Variants in MYO7B observed in about 807,000 individuals in gnomAD.
MYO7B encodes unconventional myosin-VIIb.
In MYO7B, 212 loss-of-function variants were observed where a neutral mutation model predicts 259.7. The ratio of observed to expected loss-of-function variants is 0.82; its 90% confidence interval spans 0.73 to 0.91. The LOEUF (loss-of-function observed/expected upper bound fraction) is 0.91. Among genes scored for constraint, MYO7B ranks in the 40% least tolerant of loss-of-function variants. The probability of loss-of-function intolerance (pLI) is 0.00; values close to 1 mark genes in which losing one functional copy is unlikely to be tolerated. For missense variants in MYO7B, 2,732 were observed against 2,813.5 expected (o/e 0.97, Z 0.66); for synonymous variants, 1,197 against 1,166.4 (o/e 1.03, Z -0.54).
intron 26 of MYO7B, among the ~76,000 whole-genome samples, chr2:127,617,490 T>TTTTTTTTG: frequency 8.3e-6 from 1 of 120,694 alleles, no homozygotes; most frequent in South Asian, 3.3e-4. Flanking sequence ...TAACGGGGTT[T>TTTTTTTTG]TTTTTTTTTT....
chr2:127,543,338 A>G (rs139669580), intron 1 of MYO7B, among the ~76,000 whole-genome samples: 78 of 152,050 alleles, frequency 5.1e-4, no homozygotes, highest in Non-Finnish European at 9.6e-4. Flanking sequence ...TTTTTTTTTA[A>G]CAAAGCACAT....
intron 6 of MYO7B, 22 bp downstream of exon 6, chr2:127,569,932 G>T: frequency 6.3e-7 from 1 of 1,599,544 alleles, no homozygotes; most frequent in Non-Finnish European, 8.5e-7. Context: ...TCTGGGACCC[G>T]CCCTTCTCCC....
rs202039269 is a variant in MYO7B at position 127,588,523 on chromosome 2, C to T, written c.1822C>T (p.Arg608Cys). 60 of 1,613,270 alleles carry T rather than the reference C, an allele frequency of 3.7e-5. No homozygotes were observed. The highest frequency in any genetic ancestry group is 1.2e-4 in the Admixed American group (7 of 60,032). ...GACCAAGCTGGGCCATGGGACCATCCGCCAGGCAAAGGCAGGAAACCATCT... is the reference window on the plus strand; with the variant it reads ...GACCAAGCTGGGCCATGGGACCATCTGCCAGGCAAAGGCAGGAAACCATCT... Reference protein sequence around the residue: ...AETKLGHGTIRQAKAGNHLFK... With the variant: ...AETKLGHGTICQAKAGNHLFK... Residue 608 changes from arginine to cysteine, a missense_variant, in exon 15 of 48, where the codon CGC (arginine) becomes TGC (cysteine). Coordinates refer to ENST00000409816, the MANE Select transcript of MYO7B (RefSeq NM_001393586.1).
intron 16 of MYO7B, among the ~76,000 whole-genome samples, chr2:127,592,344 G>A (rs1679588058): frequency 6.6e-6 from 1 of 152,214 alleles, no homozygotes; most frequent in South Asian, 2.1e-4. Flanking sequence ...GCAGTGAGCA[G>A]AGATCGTGCC....
rs1679313089 is a variant in MYO7B at position 127,586,554 on chromosome 2, G to C, written c.1690+1641G>C. ...ATAGTTCCTGCCACATCCTGGCTTTGGGCTCTTGGAAAAGGGAGAGGCTGG... is the reference window on the plus strand; with the variant it reads ...ATAGTTCCTGCCACATCCTGGCTTTCGGCTCTTGGAAAAGGGAGAGGCTGG... On this transcript the variant is annotated intron_variant, in intron 14 of 47. Transcript: ENST00000409816. This position sits in a 1 kb window ranked among gnomAD's most constrained non-coding sequence, Gnocchi z 4.8. Among the ~76,000 whole-genome samples the C allele has an allele frequency of 6.6e-6, 1 of 152,172 alleles. No homozygotes were observed. Among genetic ancestry groups the C allele is most frequent in the African/African-American group, 2.4e-5 (1 of 41,428 alleles).
intron 18 of MYO7B, among the ~76,000 whole-genome samples, chr2:127,594,844 G>T (rs2104985235): frequency 6.6e-6 from 1 of 152,278 alleles, no homozygotes; most frequent in Non-Finnish European, 1.5e-5. Flanking sequence ...TAGTGGATAA[G>T]CTTTTTGATG....
At chr2:127,560,595 C>A (rs1349470911) in intron 2 of MYO7B, among the ~76,000 whole-genome samples, 2 of 152,168 alleles carry the variant, frequency 1.3e-5, no homozygotes, top group African/African-American at 4.8e-5. Flanking sequence ...CAGGGACAGG[C>A]CTTGAGAAGC....
intron 2 of MYO7B, among the ~76,000 whole-genome samples, chr2:127,562,360 G>A (rs755023512): frequency 1.3e-5 from 2 of 151,724 alleles, no homozygotes; most frequent in African/African-American, 2.4e-5. Flanking sequence ...GCAGTGGCAC[G>A]ATCACAATTC....
chr2:127,607,656 C>T lies in MYO7B; in HGVS notation c.2643+232C>T, dbSNP rs946345748. Among the ~76,000 whole-genome samples the T allele has an allele frequency of 6.6e-5, 10 of 152,146 alleles. No individual in the cohort carries two copies. Among genetic ancestry groups the T allele is most frequent in the East Asian group, 5.8e-4 (3 of 5,198 alleles). ...CACCTGGGCTGAGATGTAGCTATCA[C>T]GAGAGACACACCGTCCTCCTCTCCC... is the stretch of plus-strand genomic sequence containing the variant. On this transcript the variant is annotated intron_variant, in intron 21 of 47. Coordinates refer to ENST00000409816, the MANE Select transcript of MYO7B (RefSeq NM_001393586.1). This position sits in a 1 kb window ranked among gnomAD's most constrained non-coding sequence, Gnocchi z 4.4.
chr2:127,634,047 C>T, intron 40 of MYO7B, 129 bp from the exon 41 acceptor site: 1 of 694,624 alleles, frequency 1.4e-6, no homozygotes, highest in East Asian at 3.0e-5. Flanking sequence ...GAGGCTTGCC[C>T]TGCTCAGGGC....
intron 6 of MYO7B, 21 bp downstream of exon 6, chr2:127,569,931 C>T (rs1316811507): frequency 2.4e-5 from 39 of 1,600,234 alleles, no homozygotes; most frequent in Non-Finnish European, 3.1e-5. Context: ...CTCTGGGACC[C>T]GCCCTTCTCC....
chr2:127,557,671 G>A (rs2104838807), intron 1 of MYO7B, among the ~76,000 whole-genome samples: 1 of 152,194 alleles, frequency 6.6e-6, no homozygotes, highest in African/African-American at 2.4e-5. Context: ...ACAAAATAGA[G>A]AACCCAGTAA....
In MYO7B at chr2:127,625,541, C is replaced by T. The variant is rs903580139; in HGVS notation, c.4215+6C>T. 16 of 1,591,856 alleles carry T rather than the reference C, an allele frequency of 1.0e-5. No individual in the cohort carries two copies. Among genetic ancestry groups the T allele is most frequent in the Non-Finnish European group, 1.1e-5 (13 of 1,167,924 alleles). ...TCACTGCCGCCTGCGCCAAGGTCAG[C>T]CTGCATGCAGCTCAGGCACCCACCC... On this transcript the variant is annotated splice_donor_region_variant and intron_variant, in intron 31 of 47. Transcript: ENST00000409816.
rs562976241 is a variant in MYO7B at position 127,630,105 on chromosome 2, C to G, written c.4806+279C>G. ...ACCCAATCTTTCTCTGCCTCATTTA[C>G]ACTCTGACCCAGGGGGACTCAAGTC... On this transcript the variant is annotated intron_variant, in intron 35 of 47. Transcript: ENST00000409816. Among the ~76,000 whole-genome samples the G allele has an allele frequency of 4.0e-3, 613 of 152,304 alleles. 3 individuals carry two copies. Among genetic ancestry groups the G allele is most frequent in the African/African-American group, 0.014 (582 of 41,560 alleles).
At position 127,611,600 on chromosome 2, in the gene MYO7B, C is replaced by T. The variant is rs1315947071; in HGVS notation, c.3193-650C>T. The stretch of plus-strand genomic sequence containing the variant: ...CCCCTGCACGGTAAACCAGCTTTGA[C>T]GCACCCAGGAGCTGGTGCCTGGCCC... On this transcript the variant is annotated intron_variant, in intron 24 of 47. Transcript: ENST00000409816. This position sits in a 1 kb window ranked among gnomAD's most constrained non-coding sequence, Gnocchi z 5.4. Among the ~76,000 whole-genome samples the T allele has an allele frequency of 1.3e-5, 2 of 152,180 alleles. No homozygotes were observed. The highest frequency in any genetic ancestry group is 4.8e-5 in the African/African-American group (2 of 41,450).
intron 19 of MYO7B, among the ~76,000 whole-genome samples, chr2:127,602,061 C>T (rs962943231): frequency 3.3e-5 from 5 of 151,986 alleles, no homozygotes; most frequent in East Asian, 1.9e-4. Context: ...CTCTCTCCTT[C>T]GCATTTTTAT....
intron 27 of MYO7B, among the ~76,000 whole-genome samples, chr2:127,621,286 C>T (rs1005210259): frequency 1.3e-4 from 17 of 132,864 alleles, no homozygotes; most frequent in South Asian, 2.4e-4. Context: ...TTTTTTGAGA[C>T]GGAGTCTCAC....
intron 42 of MYO7B, 179 bp from the exon 43 acceptor site, chr2:127,634,941 T>C (rs1681717904): frequency 3.1e-6 from 2 of 649,160 alleles, no homozygotes; most frequent in Non-Finnish European, 5.4e-6. Context: ...AGTCCAGGAA[T>C]GTTCCTGGAG....
chr2:127,591,394 G>A (rs1431989342), intron 16 of MYO7B, among the ~76,000 whole-genome samples: 2 of 152,194 alleles, frequency 1.3e-5, no homozygotes, highest in African/African-American at 4.8e-5. Flanking sequence ...CTGAAGCTCG[G>A]GGGTTAAGAG....
Sources: gnomAD v4.1 joint callset for allele counts (sites outside exome capture counted in the v4.1 genomes callset) on GRCh38, gnomAD v4.1.1 for gene constraint, Gnocchi (gnomAD v3.1) non-coding constraint, MANE v1.5 for transcripts, NCBI Gene and HGNC (gene_info 2026-07-23, HGNC 2026-07-21) for gene names.